NPAS3: variants seen among roughly 807,000 people sequenced by gnomAD.
NPAS3 encodes the protein neuronal PAS domain-containing protein 3.
Under a neutral mutation model 73.1 loss-of-function variants are expected in NPAS3, and 14 were observed. That is an observed-to-expected ratio of 0.19 (90% confidence interval 0.13 to 0.30). The LOEUF is 0.30. NPAS3 is among the 10% of genes least tolerant of loss of function. The pLI, the probability that NPAS3 is intolerant of heterozygous loss-of-function variation, is 1.00. For synonymous variants in NPAS3, 620 were observed against 541.5 expected, an observed-to-expected ratio of 1.14 and a Z score of -2.01; for missense variants, 1,096 against 1,250.0, an observed-to-expected ratio of 0.88 and a Z score of 1.86.
In NPAS3 at chr14:33,547,822, T is replaced by C. The variant is rs144050643; in HGVS notation, c.469-12299T>C. Among the ~76,000 whole-genome samples, 596 of 152,318 alleles carry C rather than the reference T, an allele frequency of 3.9e-3. 3 individuals carry two copies. Among genetic ancestry groups the C allele is most frequent in the South Asian group, 0.011 (55 of 4,826 alleles). ...CAGGGAGGTTGCTATTTACTTAGAATCTAAGTTAGGTCTAAGCAACAGTTG... is the reference window on the plus strand; with the variant it reads ...CAGGGAGGTTGCTATTTACTTAGAACCTAAGTTAGGTCTAAGCAACAGTTG... On this transcript the variant is annotated intron_variant, in intron 4 of 11. Coordinates refer to ENST00000356141, the Ensembl canonical transcript of NPAS3.
At chr14:33,010,943 A>AG (rs2039170408) in intron 1 of NPAS3, among the ~76,000 whole-genome samples, 1 of 94,074 alleles carries the variant, frequency 1.1e-5, no homozygotes, top group Admixed American at 1.0e-4. Flanking sequence ...TGTCTCAAAA[A>AG]AAAAAAAAAA....
chr14:33,169,438 G>A (rs1056937895), intron 2 of NPAS3, among the ~76,000 whole-genome samples: 1 of 151,986 alleles, frequency 6.6e-6, no homozygotes, highest in Non-Finnish European at 1.5e-5. Flanking sequence ...AGTGGTGGTG[G>A]GCACCTGTAG....
intron 3 of NPAS3, among the ~76,000 whole-genome samples, chr14:33,308,022 G>GCAAT (rs2042829293): frequency 6.6e-6 from 1 of 152,056 alleles, no homozygotes; most frequent in African/African-American, 2.4e-5. Flanking sequence ...TATCCTGTAC[G>GCAAT]CAATCACATT....
intron 1 of NPAS3, among the ~76,000 whole-genome samples, chr14:33,048,989 T>C (rs1342745262): frequency 6.6e-6 from 1 of 152,176 alleles, no homozygotes; most frequent in Admixed American, 6.5e-5. Flanking sequence ...TTACAGGACC[T>C]ACAAAATGTA....
rs61640170 is a variant in NPAS3, at chr14:33,452,774, C to CAAAAAA, written c.468+85526_468+85531dup. 1.1e-3 allele frequency among the ~76,000 whole-genome samples: 58 copies of CAAAAAA among 53,828 alleles called. 11 individuals are homozygous for CAAAAAA. Among genetic ancestry groups the CAAAAAA allele is most frequent in the African/African-American group, 3.0e-3 (38 of 12,872 alleles). The allele number at this position is 53,828 out of a possible 152,430, so 35.3% of individuals were successfully genotyped here. On this transcript the variant is annotated intron_variant, in intron 4 of 11. Coordinates refer to ENST00000356141, the Ensembl canonical transcript of NPAS3. ...TGGGCGACAGAGTTAGACTCTGTCT[C>CAAAAAA]AAAAAAAAAAAAAAAAAAAAAAAAA... is the stretch of plus-strand genomic sequence containing the variant.
intron 6 of NPAS3, among the ~76,000 whole-genome samples, chr14:33,681,548 G>A (rs1391876927): frequency 1.3e-5 from 2 of 152,120 alleles, no homozygotes; most frequent in Non-Finnish European, 2.9e-5. Flanking sequence ...TAAAAATCAG[G>A]GAAAAGTGAG....
At chr14:33,585,021 T>C (rs1026267133) in intron 5 of NPAS3, among the ~76,000 whole-genome samples, 2 of 152,122 alleles carry the variant, frequency 1.3e-5, no homozygotes, top group Non-Finnish European at 2.9e-5. Context: ...TAGAATAAAG[T>C]TCTGCAGCAT....
At chr14:33,687,655 C>A (rs2060126390) in intron 6 of NPAS3, among the ~76,000 whole-genome samples, 1 of 152,196 alleles carries the variant, frequency 6.6e-6, no homozygotes, top group Admixed American at 6.5e-5. Context: ...TAGGAAAATA[C>A]TTCCCATTTC....
intron 3 of NPAS3, among the ~76,000 whole-genome samples, chr14:33,363,922 CTGTGTGTG>C (rs10627532): frequency 3.4e-5 from 5 of 148,772 alleles, no homozygotes; most frequent in Non-Finnish European, 7.4e-5. Context: ...GCAATGCCCT[CTGTGTGTG>C]TGTGTGTGTG....
At chr14:33,021,452 T>C (rs907974508) in intron 1 of NPAS3, among the ~76,000 whole-genome samples, 3 of 152,302 alleles carry the variant, frequency 2.0e-5, no homozygotes, top group Admixed American at 1.3e-4. Context: ...AATGTGTATA[T>C]TTCTTGCACA....
chr14:33,169,821 A>G (rs1251317690), intron 2 of NPAS3, among the ~76,000 whole-genome samples: 1 of 152,226 alleles, frequency 6.6e-6, no homozygotes, highest in African/African-American at 2.4e-5. Context: ...AACATGGAGA[A>G]AATAGTATTG....
intron 3 of NPAS3, among the ~76,000 whole-genome samples, chr14:33,254,574 T>A (rs2048706612): frequency 6.6e-6 from 1 of 152,146 alleles, no homozygotes; most frequent in African/African-American, 2.4e-5. Context: ...GCACAGTAGG[T>A]GCTCATTAAG....
intron 4 of NPAS3, among the ~76,000 whole-genome samples, chr14:33,468,694 T>C (rs960479459): frequency 6.6e-6 from 1 of 152,192 alleles, no homozygotes; most frequent in Admixed American, 6.5e-5. Flanking sequence ...GGTCTTGCCT[T>C]ATTACAAGAG....
chr14:33,328,349 C>T (rs1781842268), intron 3 of NPAS3, among the ~76,000 whole-genome samples: 1 of 143,830 alleles, frequency 7.0e-6, no homozygotes, highest in African/African-American at 2.6e-5. Flanking sequence ...TCTTCGTATT[C>T]TTATTTGTTC....
chr14:33,191,363 T>C (rs893443954), intron 2 of NPAS3, among the ~76,000 whole-genome samples: 2 of 152,222 alleles, frequency 1.3e-5, no homozygotes, highest in African/African-American at 4.8e-5. Flanking sequence ...TTAAATCTTA[T>C]AATTTGAGCA....
At chr14:33,414,667 C>T (rs1289749940) in intron 4 of NPAS3, among the ~76,000 whole-genome samples, 4 of 152,070 alleles carry the variant, frequency 2.6e-5, no homozygotes, top group Non-Finnish European at 2.9e-5. Context: ...TGATTTCTGA[C>T]AAGTGTTACC....
At chr14:33,226,818 A>G (rs1371702239) in intron 3 of NPAS3, among the ~76,000 whole-genome samples, 2 of 152,210 alleles carry the variant, frequency 1.3e-5, no homozygotes, top group Non-Finnish European at 2.9e-5. Flanking sequence ...TAATTAAAGC[A>G]TATTATTTAC....
chr14:33,246,573 C>A (rs575781818), intron 3 of NPAS3, among the ~76,000 whole-genome samples: 2 of 150,172 alleles, frequency 1.3e-5, no homozygotes, highest in African/African-American at 4.9e-5. Flanking sequence ...ACTAAGTGCT[C>A]ACTTGTTCCT....
At chr14:33,003,142 G>T (rs1468945092) in intron 1 of NPAS3, among the ~76,000 whole-genome samples, 2 of 150,186 alleles carry the variant, frequency 1.3e-5, no homozygotes, top group Non-Finnish European at 3.0e-5. Flanking sequence ...TTCAGTGTTA[G>T]CCCTTTTTAA....
Sources: allele counts gnomAD v4.1 joint callset (sites outside exome capture counted in the v4.1 genomes callset), GRCh38; gene constraint gnomAD v4.1.1; transcripts MANE v1.5; gene names NCBI Gene and HGNC (gene_info 2026-07-23, HGNC 2026-07-21).